BMP8A: variants seen among roughly 807,000 people sequenced by gnomAD.
The protein encoded by BMP8A is BMP-8A.
A neutral mutation model predicts 36.8 loss-of-function variants in BMP8A; 14 were observed. That is an observed-to-expected ratio of 0.38 (90% CI 0.25 to 0.60). The LOEUF is 0.60. Among genes scored for constraint, BMP8A ranks in the 20% least tolerant of loss-of-function variants. The pLI, the probability that BMP8A is intolerant of heterozygous loss-of-function variation, is 0.63. For synonymous variants in BMP8A, 120 were observed against 237.7 expected (o/e 0.50, Z 4.55); for missense variants, 267 against 551.1 (o/e 0.48, Z 5.16).
chr1:39,499,315 G>A (rs1387220480), intron 1 of BMP8A, among the ~76,000 whole-genome samples: 2 of 152,236 alleles, frequency 1.3e-5, no homozygotes, highest in African/African-American at 4.8e-5. Flanking sequence ...GGGACAGATG[G>A]CAGGGCCAGC....
In BMP8A at chr1:39,527,992, T is replaced by C. The variant is rs1364039748; in HGVS notation, c.*2194T>C. Among the ~76,000 whole-genome samples the C allele has an allele frequency of 6.6e-6, 1 of 152,198 alleles. No individual in the cohort carries two copies. The highest frequency in any genetic ancestry group is 1.9e-4 in the East Asian group (1 of 5,200). ...CCATTGCAGGACCTGATTTAACAGC[T>C]CTCTTCTTCCAATACTGGGCAGTAG... On this transcript the variant is annotated 3_prime_UTR_variant, in exon 7 of 7. Transcript: ENST00000331593.
intron 6 of BMP8A, 95 bp from the exon 7 acceptor site, chr1:39,525,554 A>G: frequency 6.7e-7 from 1 of 1,491,570 alleles, no homozygotes; most frequent in Non-Finnish European, 9.0e-7. Flanking sequence ...GGAGATGGCC[A>G]GGGCAGGGAG....
chr1:39,501,389 C>T (rs1042110459), intron 1 of BMP8A, among the ~76,000 whole-genome samples: 3 of 152,114 alleles, frequency 2.0e-5, no homozygotes, highest in African/African-American at 7.2e-5. Context: ...TTTTTTGAGA[C>T]GGAGTCTCAC....
intron 3 of BMP8A, chr1:39,515,557 G>T (rs1388987125): frequency 7.4e-7 from 1 of 1,357,788 alleles, no homozygotes; most frequent in East Asian, 2.4e-5. Context: ...CTTTTGGAGC[G>T]CGCCATCCGG....
In BMP8A at chr1:39,528,594, C is replaced by A. The variant is rs1008771728; in HGVS notation, c.*2796C>A. Among the ~76,000 whole-genome samples the A allele has an allele frequency of 1.3e-5, 2 of 151,946 alleles. No homozygotes were observed. The highest frequency in any genetic ancestry group is 1.9e-4 in the East Asian group (1 of 5,160). ...TCTTTGTCTTTACATAGGGACCGGG[C>A]GATGCGCTTTAGAGAAATTCCCTAT... On this transcript the variant is annotated 3_prime_UTR_variant, in exon 7 of 7. Transcript: ENST00000331593.
At position 39,528,201 on chromosome 1, in the gene BMP8A, A is replaced by C. The variant is rs1645502893; in HGVS notation, c.*2403A>C. On this transcript the variant is annotated 3_prime_UTR_variant, in exon 7 of 7. Coordinates refer to ENST00000331593, the MANE Select transcript of BMP8A (RefSeq NM_181809.4). Reference sequence around the variant, plus strand: ...TCCCTTTTTATGCAGCAAAGCACAAAGTGTGACAGTCGTGGCCTTCCTGGT... The same window carrying C: ...TCCCTTTTTATGCAGCAAAGCACAACGTGTGACAGTCGTGGCCTTCCTGGT... 6.6e-6 allele frequency among the ~76,000 whole-genome samples: 1 copy of C among 152,230 alleles called. No individual in the cohort carries two copies. The highest frequency in any genetic ancestry group is 6.5e-5 in the Admixed American group (1 of 15,282).
chr1:39,491,956 A>G lies in BMP8A; in HGVS notation c.-36A>G. The G allele has an allele frequency of 3.7e-6, 4 of 1,066,814 alleles. No individual in the cohort carries two copies. Among genetic ancestry groups the G allele is most frequent in the Non-Finnish European group, 4.5e-6 (4 of 883,434 alleles). 66.1% of individuals were successfully genotyped at this position (1,066,814 alleles called of 1,614,324 possible). A position where few individuals can be genotyped will look rare whatever the true frequency, so the allele number is the denominator to read the frequency against. Reference sequence around the variant, plus strand: ...TCCCCGGGCCCAGGGGCGGCGGCGGAGCTGATGTGCGCCCGCTGAGCGCCC... The same window carrying G: ...TCCCCGGGCCCAGGGGCGGCGGCGGGGCTGATGTGCGCCCGCTGAGCGCCC... On this transcript the variant is annotated 5_prime_UTR_variant, in exon 1 of 7. Transcript: ENST00000331593.
intron 2 of BMP8A, 110 bp downstream of exon 2, chr1:39,511,473 G>A (rs1425063175): frequency 2.0e-6 from 1 of 512,630 alleles, no homozygotes; most frequent in East Asian, 3.7e-5. Flanking sequence ...CTCAAAGATG[G>A]GAAGGATGCT....
intron 6 of BMP8A, chr1:39,523,857 G>T (rs1645455380): frequency 4.2e-6 from 2 of 471,362 alleles, no homozygotes; most frequent in East Asian, 1.1e-4. Flanking sequence ...CCTCTTAGGA[G>T]GTTCAACGGT....
intron 1 of BMP8A, among the ~76,000 whole-genome samples, chr1:39,499,599 G>A (rs1268067082): frequency 6.6e-6 from 1 of 152,232 alleles, no homozygotes; most frequent in Non-Finnish European, 1.5e-5. Flanking sequence ...GGAGTGGCTG[G>A]TGGCCATGCC....
intron 6 of BMP8A, chr1:39,523,452 T>G (rs1211447887): frequency 2.4e-6 from 3 of 1,233,568 alleles, no homozygotes; most frequent in African/African-American, 3.1e-5. Context: ...ATGTGTACAC[T>G]GTGTGGGGGC....
intron 6 of BMP8A, chr1:39,523,526 G>A (rs190085360): frequency 8.8e-5 from 120 of 1,371,046 alleles, no homozygotes; most frequent in Middle Eastern, 2.3e-4. Context: ...TGATATGTGC[G>A]CACAGTGTGT....
intron 1 of BMP8A, among the ~76,000 whole-genome samples, chr1:39,503,912 G>C (rs1254035734): frequency 6.6e-6 from 1 of 152,096 alleles, no homozygotes; most frequent in Non-Finnish European, 1.5e-5. Flanking sequence ...CTGGACTCCA[G>C]CCTGGGCGGC....
At position 39,529,440 on chromosome 1, in the gene BMP8A, G is replaced by C. The variant is rs1645514161; in HGVS notation, c.*3642G>C. 6.6e-6 allele frequency among the ~76,000 whole-genome samples: 1 copy of C among 152,224 alleles called. No homozygotes were observed. The highest frequency in any genetic ancestry group is 2.1e-4 in the South Asian group (1 of 4,834). ...CTGCTGAGGAAGTGGCAGGTGTGCGGCCCTGCCCTGGCCCCGTAGTGAGTG... is the reference window on the plus strand; with the variant it reads ...CTGCTGAGGAAGTGGCAGGTGTGCGCCCCTGCCCTGGCCCCGTAGTGAGTG... On this transcript the variant is annotated 3_prime_UTR_variant, in exon 7 of 7. Coordinates refer to ENST00000331593, the MANE Select transcript of BMP8A (RefSeq NM_181809.4).
At chr1:39,518,880 C>G (rs1210314966) in intron 3 of BMP8A, among the ~76,000 whole-genome samples, 2 of 134,558 alleles carry the variant, frequency 1.5e-5, no homozygotes, top group Admixed American at 7.5e-5. Context: ...CCACCTTGCT[C>G]TGGGACCTTG....
chr1:39,506,201 GT>G (rs1302462773), intron 1 of BMP8A, among the ~76,000 whole-genome samples: 5 of 151,682 alleles, frequency 3.3e-5, no homozygotes, highest in Non-Finnish European at 7.4e-5. Context: ...CAATTTCCTG[GT>G]TTTTTTGTTT....
At chr1:39,523,173 G>A in intron 6 of BMP8A, 56 bp downstream of exon 6, 3 of 1,590,762 alleles carry the variant, frequency 1.9e-6, no homozygotes, top group Admixed American at 1.7e-5. Flanking sequence ...CTGCAGAGAG[G>A]GGTCTGGTCC....
chr1:39,523,391 G>A (rs1645449868), intron 6 of BMP8A, among the ~76,000 whole-genome samples: 3 of 152,224 alleles, frequency 2.0e-5, no homozygotes, highest in Admixed American at 2.0e-4. Flanking sequence ...AACTCCTGTG[G>A]GACACTTACA....
intron 1 of BMP8A, among the ~76,000 whole-genome samples, chr1:39,509,508 T>C (rs751808): frequency 0.22 from 33,935 of 152,014 alleles, 5,247 homozygotes; most frequent in African/African-American, 0.43. Context: ...GAGCTTTTGC[T>C]GCATGCCCAG....
Sources: gnomAD v4.1 joint callset for allele counts (sites outside exome capture counted in the v4.1 genomes callset) on GRCh38, gnomAD v4.1.1 for gene constraint, MANE v1.5 for transcripts, NCBI Gene and HGNC (gene_info 2026-07-23, HGNC 2026-07-21) for gene names.